Variants in ELF1 observed in about 807,000 individuals in gnomAD.
The protein encoded by ELF1 is ETS-related transcription factor Elf-1.
Under a neutral mutation model 59.9 loss-of-function variants are expected in ELF1, and 24 were observed. The observed-to-expected ratio is 0.40, with a 90% confidence interval of 0.29 to 0.56. The LOEUF is 0.56. Among genes scored for constraint, ELF1 ranks in the 20% least tolerant of loss-of-function variants. The pLI is 0.44. For synonymous variants in ELF1, 248 were observed against 266.2 expected, an observed-to-expected ratio of 0.93 and a Z score of 0.67; for missense variants, 627 against 742.2, an observed-to-expected ratio of 0.84 and a Z score of 1.80.
Position 40,933,526 on chromosome 13 carries a change from G to A in ELF1, c.1759C>T (p.Gln587Ter). Residue 587 changes from glutamine (Q) to a stop codon, truncating the protein, a stop_gained, in exon 9 of 9, where the codon CAG becomes TAG. Coordinates refer to ENST00000239882, the MANE Select transcript of ELF1 (RefSeq NM_172373.4). LOFTEE classifies it high-confidence loss of function. ...HLKENTEKTEQQPQPYVMVVS... is the reference protein window; with the variant it reads ...HLKENTEKTE ...ACCATCACATAAGGCTGTGGCTGCT[G>A]CTCCGTTTTCTCAGTGTTCTCTTTC... 1 of 1,614,226 alleles carries A rather than the reference G, an allele frequency of 6.2e-7. No individual in the cohort carries two copies. The highest frequency in any genetic ancestry group is 8.5e-7 in the Non-Finnish European group (1 of 1,180,040).
intron 8 of ELF1, among the ~76,000 whole-genome samples, chr13:40,936,840 G>A (rs1442206438): frequency 1.3e-5 from 2 of 151,792 alleles, no homozygotes; most frequent in African/African-American, 2.4e-5. Flanking sequence ...CCAGCAACTC[G>A]GGAGGCTGAG....
chr13:41,057,291 G>A (rs1297544272), intron 1 of ELF1, among the ~76,000 whole-genome samples: 1 of 151,668 alleles, frequency 6.6e-6, no homozygotes, highest in African/African-American at 2.4e-5. Flanking sequence ...CAAGTAGCTA[G>A]GACTACAGGC....
intron 1 of ELF1, among the ~76,000 whole-genome samples, chr13:40,990,078 C>T (rs1415550804): frequency 6.6e-6 from 1 of 152,088 alleles, no homozygotes; most frequent in East Asian, 1.9e-4. Context: ...ACATTCGATA[C>T]ATAATTTTAC....
At chr13:40,947,730 G>T (rs1357476267) in intron 5 of ELF1, among the ~76,000 whole-genome samples, 1 of 152,142 alleles carries the variant, frequency 6.6e-6, no homozygotes, top group Non-Finnish European at 1.5e-5. Context: ...CTCAGATAAA[G>T]CCCCGTTGAA....
intron 2 of ELF1, among the ~76,000 whole-genome samples, chr13:40,977,478 T>A (rs1199246518): frequency 6.6e-6 from 1 of 152,048 alleles, no homozygotes; most frequent in East Asian, 1.9e-4. Context: ...TGCCAAGCAA[T>A]TCTGGAAAAT....
intron 1 of ELF1, among the ~76,000 whole-genome samples, chr13:41,034,820 C>T (rs922258455): frequency 5.3e-5 from 8 of 150,410 alleles, no homozygotes; most frequent in Non-Finnish European, 8.9e-5. Context: ...CCTTCACTGG[C>T]CTATCAGCAC....
chr13:41,018,100 C>G (rs1037928784), intron 1 of ELF1, among the ~76,000 whole-genome samples: 6 of 152,156 alleles, frequency 3.9e-5, no homozygotes. Flanking sequence ...TCTCAAAGAA[C>G]TAGCTAAATA....
intron 1 of ELF1, among the ~76,000 whole-genome samples, chr13:41,037,397 G>A (rs1308672314): frequency 6.6e-6 from 1 of 152,144 alleles, no homozygotes; most frequent in Non-Finnish European, 1.5e-5. Context: ...GTGGCCACAT[G>A]GTTAGTAAAC....
Position 40,982,982 on chromosome 13 carries a change from T to C in ELF1, c.-228-700A>G, listed in dbSNP as rs57668933. The stretch of plus-strand genomic sequence containing the variant: ...GACCACGTCATGGCAAATTAGAACA[T>C]GCAAAGAACTGCACTTTACAATAGT... On this transcript the variant is annotated intron_variant, in intron 1 of 8. Transcript: ENST00000239882. The C allele has an allele frequency of 0.013, 5,638 of 417,656 alleles. 375 individuals carry two copies. In the East Asian group the frequency reaches 0.24, roughly 18 times the overall value. The allele number at this position is 417,656 out of a possible 1,614,324, so 25.9% of individuals were successfully genotyped here.
intron 1 of ELF1, among the ~76,000 whole-genome samples, chr13:41,001,757 G>T (rs189737196): frequency 7.2e-5 from 11 of 152,110 alleles, no homozygotes; most frequent in Admixed American, 6.5e-4. Context: ...CATAGCAGGG[G>T]GCTGAAGCAG....
chr13:40,941,510 A>G (rs1870170146), intron 7 of ELF1, 140 bp from the exon 8 acceptor site: 1 of 750,350 alleles, frequency 1.3e-6, no homozygotes, highest in Non-Finnish European at 2.1e-6. Context: ...AAGGGCTGTT[A>G]TTTTATATGA....
Position 40,982,020 on chromosome 13 carries a change from A to T in ELF1, c.35T>A (p.Phe12Tyr), listed in dbSNP as rs186580740. The T allele has an allele frequency of 2.5e-4, 406 of 1,612,292 alleles. No homozygotes were observed. Among genetic ancestry groups the T allele is most frequent in the Non-Finnish European group, 3.2e-4 (376 of 1,179,084 alleles). ...CTCCATGACGTTACTAGCAAATTCA[A>T]ATACTAGGTCGTTCTGTTGGACAAC... is the stretch of plus-strand genomic sequence containing the variant. ...AAVVQQNDLVFEFASNVMEDE... is the reference protein window; with the variant it reads ...AAVVQQNDLVYEFASNVMEDE... The change falls in exon 2 of 9, where the codon TTT becomes TAT. Residue 12 changes from phenylalanine (F) to tyrosine (Y), a missense_variant. Phe to Tyr is a conservative substitution (Grantham distance 22, BLOSUM62 3). Transcript: ENST00000239882.
intron 3 of ELF1, among the ~76,000 whole-genome samples, chr13:40,956,047 C>T (rs1298893801): frequency 2.0e-5 from 3 of 148,360 alleles, no homozygotes; most frequent in East Asian, 2.0e-4. Context: ...CCCCTCTGCC[C>T]GGCCACCACC....
At chr13:41,026,155 T>C in intron 1 of ELF1, among the ~76,000 whole-genome samples, 1 of 152,206 alleles carries the variant, frequency 6.6e-6, no homozygotes, top group East Asian at 1.9e-4. Flanking sequence ...ACACATAGCA[T>C]GTCAGAGGTT....
chr13:41,044,963 A>AGTT, intron 1 of ELF1, among the ~76,000 whole-genome samples: 1 of 151,896 alleles, frequency 6.6e-6, no homozygotes, highest in South Asian at 2.1e-4. Flanking sequence ...TTATTTCCTC[A>AGTT]ATTTCAGAGC....
At chr13:40,958,769 C>A in intron 3 of ELF1, 67 bp downstream of exon 3, 1 of 1,478,960 alleles carries the variant, frequency 6.8e-7, no homozygotes, top group Non-Finnish European at 9.0e-7. Context: ...GCCCCCACAT[C>A]CTCAGGATTA....
chr13:40,992,765 T>C, intron 1 of ELF1: 1 of 283,650 alleles, frequency 3.5e-6, no homozygotes, highest in South Asian at 5.6e-5. Flanking sequence ...CTGGAATTCA[T>C]CTGAAAAGAT....
intron 1 of ELF1, among the ~76,000 whole-genome samples, chr13:41,039,605 T>TAAAG (rs1057409874): frequency 2.6e-5 from 4 of 152,158 alleles, no homozygotes; most frequent in African/African-American, 9.6e-5. Context: ...TAAGTTAAAA[T>TAAAG]AAAGTGTTTA....
chr13:40,972,559 G>C (rs1386396410), intron 2 of ELF1, among the ~76,000 whole-genome samples: 1 of 152,234 alleles, frequency 6.6e-6, no homozygotes, highest in Non-Finnish European at 1.5e-5. Context: ...AGATTATCCA[G>C]TGTAAGACAA....
Sources: allele counts gnomAD v4.1 joint callset (sites outside exome capture counted in the v4.1 genomes callset), GRCh38; gene constraint gnomAD v4.1.1; transcripts MANE v1.5; gene names NCBI Gene and HGNC (gene_info 2026-07-23, HGNC 2026-07-21).